The following CELSR1 variants were observed in gnomAD, a reference collection of about 807,000 sequenced individuals.
CELSR1 encodes the protein cadherin EGF LAG seven-pass G-type receptor 1, also known as adhesion G protein-coupled receptor C1.
A neutral mutation model predicts 249.1 loss-of-function variants in CELSR1; 110 were observed. The observed-to-expected ratio is 0.44, with a 90% CI of 0.38 to 0.52. The LOEUF (loss-of-function observed/expected upper bound fraction) is 0.52, where lower values mean the gene tolerates loss of function less well. Ranked by LOEUF, CELSR1 falls within the 20% of genes least tolerant of loss-of-function variation. The pLI is 0.00. For synonymous variants in CELSR1, 2,113 were observed against 1,900.0 expected, an observed-to-expected ratio of 1.11 and a Z score of -2.92; for missense variants, 4,109 against 4,296.4, an observed-to-expected ratio of 0.96 and a Z score of 1.22.
chr22:46,470,375 A>C (rs2147618884), intron 1 of CELSR1, among the ~76,000 whole-genome samples: 1 of 151,966 alleles, frequency 6.6e-6, no homozygotes, highest in South Asian at 2.1e-4. Context: ...TCTGACCCCC[A>C]CAAGTTGGGA....
chr22:46,529,205 G>A (rs1265680628), intron 1 of CELSR1, among the ~76,000 whole-genome samples: 1 of 151,614 alleles, frequency 6.6e-6, no homozygotes, highest in Non-Finnish European at 1.5e-5. Context: ...GGCGGAGCTT[G>A]CAGTGAGCCG....
At chr22:46,498,472 C>T (rs566314222) in intron 1 of CELSR1, among the ~76,000 whole-genome samples, 2 of 149,504 alleles carry the variant, frequency 1.3e-5, no homozygotes, top group Middle Eastern at 3.7e-3. Context: ...ATTAGCCGGG[C>T]GTGGTGGCAG....
rs1296004228 is a variant in CELSR1, at chr22:46,364,041, A to G, written c.8990T>C (p.Met2997Thr). 1.9e-6 allele frequency: 3 copies of G among 1,611,696 alleles called. No homozygotes were observed. The Admixed American group carries it at 5.0e-5, about 27-fold the overall frequency. ...PGRDHLNGVA[M>T]NVRTGSAQAD... is the part of the protein sequence containing the mutation. ...CTGGGCGCTCCCAGTGCGCACATTC[A>G]TGGCCACCCCGTTGAGGTGGTCACG... The change falls in exon 34 of 35, where the codon ATG becomes ACG. Residue 2997 changes from methionine (M) to threonine (T), a missense_variant. Coordinates refer to ENST00000674500, the MANE Select transcript of CELSR1 (RefSeq NM_001378328.1).
chr22:46,430,233 G>C lies in CELSR1; in HGVS notation c.4611+3160C>G, dbSNP rs1284017117. Among the ~76,000 whole-genome samples, 1 of 152,206 alleles carries C rather than the reference G, an allele frequency of 6.6e-6. No individual in the cohort carries two copies. The highest frequency in any genetic ancestry group is 1.5e-5 in the Non-Finnish European group (1 of 68,030). ...AGGGTGGGCAGCAGCGGCATGGCCC[G>C]CACCAATGCTTCCACCCTCTCCAGA... On this transcript the variant is annotated intron_variant, in intron 5 of 34. Transcript: ENST00000674500. The surrounding 1 kb of genome is among the most constrained non-coding windows in gnomAD (Gnocchi z 4.6).
chr22:46,448,525 TTAAA>T lies in CELSR1; in HGVS notation c.4184-9118_4184-9115del, dbSNP rs936492750. On this transcript the variant is annotated intron_variant, in intron 2 of 34. Transcript: ENST00000674500. This position sits in a 1 kb window ranked among gnomAD's most constrained non-coding sequence, Gnocchi z 5.7. ...GTGTAAAGATTGACCACTTAAGTTCTTAAATAAATAAAAAGACAATTCCTTTCTG... is the reference window on the plus strand; with the variant it reads ...GTGTAAAGATTGACCACTTAAGTTCTTAAATAAAAAGACAATTCCTTTCTG... The T allele has an allele frequency of 9.2e-6, 4 of 434,524 alleles. No homozygotes were observed. The highest frequency in any genetic ancestry group is 8.2e-5 in the African/African-American group (4 of 48,926). The allele number at this position is 434,524 out of a possible 1,614,324, so 26.9% of individuals were successfully genotyped here.
In CELSR1 at chr22:46,535,999, C is replaced by T. The variant is rs751936590; in HGVS notation, c.1172G>A (p.Arg391His). The part of the protein sequence containing the change: ...DSPINANLRY[R>H]VLGGAWDVFQ... The stretch of plus-strand genomic sequence containing the variant: ...GACGTCCCACGCGCCCCCCAACACG[C>T]GGTAACGCAAGTTGGCGTTGATGGG... Residue 391 changes from arginine to histidine, a missense_variant, in exon 1 of 35, where the codon CGC becomes CAC. By Grantham distance (29) the Arg-to-His change is conservative. Transcript: ENST00000674500. The T allele has an allele frequency of 6.2e-7, 1 of 1,610,800 alleles. No homozygotes were observed. The highest frequency in any genetic ancestry group is 2.2e-5 in the East Asian group (1 of 44,876).
intron 1 of CELSR1, among the ~76,000 whole-genome samples, chr22:46,476,270 T>C (rs2080206962): frequency 6.6e-6 from 1 of 152,024 alleles, no homozygotes; most frequent in African/African-American, 2.4e-5. Flanking sequence ...CCCAGTATGT[T>C]CCATTCATAC....
intron 1 of CELSR1, among the ~76,000 whole-genome samples, chr22:46,499,823 C>T (rs1334098047): frequency 2.0e-5 from 3 of 152,104 alleles, no homozygotes; most frequent in Non-Finnish European, 4.4e-5. Flanking sequence ...CCCGGGATGG[C>T]CCTCTTCTGG....
intron 19 of CELSR1, among the ~76,000 whole-genome samples, chr22:46,386,153 A>G (rs2079031400): frequency 6.6e-6 from 1 of 151,994 alleles, no homozygotes; most frequent in African/African-American, 2.4e-5. Context: ...TATTTTTAGT[A>G]GAGATGGGGT....
At position 46,411,497 on chromosome 22, in the gene CELSR1, G is replaced by A. The variant is rs28643449; in HGVS notation, c.4769+105C>T. 3.5e-3 allele frequency: 4,657 copies of A among 1,338,546 alleles called. 90 individuals are homozygous for A. In the African/African-American group the frequency reaches 0.044, roughly 13 times the overall value. 82.9% of individuals were successfully genotyped at this position (1,338,546 alleles called of 1,614,324 possible). On this transcript the variant is annotated intron_variant, in intron 6 of 34. Coordinates refer to ENST00000674500, the MANE Select transcript of CELSR1 (RefSeq NM_001378328.1). The surrounding 1 kb of genome is among the most constrained non-coding windows in gnomAD (Gnocchi z 4.2). ...TCTAGCCTGGAATGAGGTCGCCAGG[G>A]CACTGCACCCAGAGTGCCTACGTGG...
rs1314944468 is a variant in CELSR1 at position 46,374,833 on chromosome 22, A to AC, written c.7585-1777dup. Among the ~76,000 whole-genome samples, 4 of 151,638 alleles carry AC rather than the reference A, an allele frequency of 2.6e-5. No individual in the cohort carries two copies. The East Asian group carries it at 7.8e-4, about 30-fold the overall frequency. On this transcript the variant is annotated intron_variant, in intron 24 of 34. Transcript: ENST00000674500. This position sits in a 1 kb window ranked among gnomAD's most constrained non-coding sequence, Gnocchi z 4.3. ...TGCGCCCGGCTGCGGATGTGAAGAA[A>AC]CCCCTCCGCAGGAGCAGCGACCCTG...
intron 1 of CELSR1, among the ~76,000 whole-genome samples, chr22:46,521,764 C>G (rs930757048): frequency 2.0e-5 from 3 of 152,072 alleles, no homozygotes; most frequent in Non-Finnish European, 2.9e-5. Context: ...CCGCAGTGAG[C>G]CAAGATCGCG....
intron 1 of CELSR1, among the ~76,000 whole-genome samples, chr22:46,467,525 AG>A (rs1401100412): frequency 6.6e-6 from 1 of 152,048 alleles, no homozygotes; most frequent in Non-Finnish European, 1.5e-5. Context: ...ATATATATAT[AG>A]AAAACTCTGG....
chr22:46,475,428 C>G (rs1414192351), intron 1 of CELSR1, among the ~76,000 whole-genome samples: 1 of 152,074 alleles, frequency 6.6e-6, no homozygotes, highest in Admixed American at 6.6e-5. Context: ...GTCAAATCCA[C>G]AGAGACAGAA....
At chr22:46,515,025 C>T (rs1323619377) in intron 1 of CELSR1, among the ~76,000 whole-genome samples, 2 of 152,208 alleles carry the variant, frequency 1.3e-5, no homozygotes, top group Non-Finnish European at 2.9e-5. Flanking sequence ...TCCTCGCCAG[C>T]CCCTTCTAGA....
rs1266234439 is a variant in CELSR1 at position 46,366,479 on chromosome 22, C to T, written c.8207G>A (p.Arg2736His). Residue 2736 changes from arginine (R) to histidine (H), a missense_variant and splice_region_variant, in exon 30 of 35, where the codon CGC (arginine) becomes CAC (histidine). Physicochemically the swap from Arg to His is conservative, Grantham distance 29 (BLOSUM62 0). Around this residue, in one of 7 missense-constraint regions of CELSR1, gnomAD observed 1,805 missense variants for 1,831.6 expected, o/e 0.99. Transcript: ENST00000674500. ...GAAGGTGGTGTTGCAGTTGAGGGAG[C>T]GCTGAAGGGAGGGGAGGGGCTGGTC... ...SATTRATLLT[R>H]SLNCNTTFGD... 8 of 1,549,970 alleles carry T rather than the reference C, an allele frequency of 5.2e-6. No homozygotes were observed. Among genetic ancestry groups the T allele is most frequent in the Admixed American group, 2.0e-5 (1 of 50,972 alleles).
At chr22:46,373,082 A>T in intron 24 of CELSR1, 25 bp from the exon 25 acceptor site, 1 of 1,560,632 alleles carries the variant, frequency 6.4e-7, no homozygotes. Flanking sequence ...GCCGCTCAGC[A>T]AGGGCCCCTG....
rs955037701 is a variant in CELSR1 at position 46,401,714 on chromosome 22, T to C, written c.5227-1812A>G. Among the ~76,000 whole-genome samples, 12 of 152,190 alleles carry C rather than the reference T, an allele frequency of 7.9e-5. No individual in the cohort carries two copies. The highest frequency in any genetic ancestry group is 8.8e-5 in the Non-Finnish European group (6 of 68,036). ...GGGGTTCATGGACTGCCAAGGGTTG[T>C]TCCTTGGCTTCTGGTTGGAACCCTG... On this transcript the variant is annotated intron_variant, in intron 9 of 34. Coordinates refer to ENST00000674500, the MANE Select transcript of CELSR1 (RefSeq NM_001378328.1). This position sits in a 1 kb window ranked among gnomAD's most constrained non-coding sequence, Gnocchi z 4.7.
In CELSR1 at chr22:46,365,376, G is replaced by C. The variant is rs147285055; in HGVS notation, c.8409C>G (p.His2803Gln). The C allele has an allele frequency of 6.2e-7, 1 of 1,612,500 alleles. No individual in the cohort carries two copies. Among genetic ancestry groups the C allele is most frequent in the Non-Finnish European group, 8.5e-7 (1 of 1,179,898 alleles). Residue 2803 changes from histidine to glutamine, a missense_variant, in exon 32 of 35, where the codon CAC becomes CAG. By Grantham distance (24) the His-to-Gln change is conservative (BLOSUM62 0). This residue lies in a region of CELSR1 where 1,805 missense variants were observed against 1,831.6 expected (regional missense o/e 0.99). Coordinates refer to ENST00000674500, the MANE Select transcript of CELSR1 (RefSeq NM_001378328.1). ...MPRSCKDPPG[H>Q]DSDSDSELSL... is the part of the protein sequence containing the mutation. ...ACAGCTCGCTATCTGAGTCGGAATC[G>C]TGGCCTGTGGATGCGCGGGGGACAG...
Sources: allele counts gnomAD v4.1 joint callset (sites outside exome capture counted in the v4.1 genomes callset), GRCh38; gene constraint gnomAD v4.1.1; regional missense constraint gnomAD v4.1.1; non-coding constraint Gnocchi (gnomAD v3.1); transcripts MANE v1.5; gene names NCBI Gene and HGNC (gene_info 2026-07-23, HGNC 2026-07-21).